Variants in ARIH2 observed in about 807,000 individuals in gnomAD.
The protein encoded by ARIH2 is E3 ubiquitin-protein ligase ARIH2.
In ARIH2, 12 loss-of-function variants were observed where a neutral mutation model predicts 79.8. The ratio of observed to expected loss-of-function variants is 0.15; its 90% CI spans 0.10 to 0.24. The LOEUF (loss-of-function observed/expected upper bound fraction) is 0.24. ARIH2 is among the 10% of genes least tolerant of loss of function. The pLI is 1.00. For synonymous variants in ARIH2, 224 were observed against 213.9 expected (o/e 1.05, Z -0.41); for missense variants, 301 against 618.3 (o/e 0.49, Z 5.44).
Position 48,918,930 on chromosome 3 carries a change from G to A in ARIH2, c.-230G>A, listed in dbSNP as rs1238475758. On this transcript the variant is annotated 5_prime_UTR_variant, in exon 1 of 16. Transcript: ENST00000356401. ...CTCCGCTGCCGCTTCGCCCCAATCC[G>A]GTCCCTCTGGCCCGGCCTGACCCGG... The A allele has an allele frequency of 6.3e-7, 1 of 1,589,922 alleles. No individual in the cohort carries two copies.
intron 3 of ARIH2, among the ~76,000 whole-genome samples, chr3:48,960,049 T>C (rs1235113051): frequency 6.6e-6 from 1 of 152,168 alleles, no homozygotes; most frequent in Non-Finnish European, 1.5e-5. Context: ...GAGCAGACAA[T>C]GTTCTGTGTG....
chr3:48,923,679 G>A (rs1225531003), intron 2 of ARIH2, among the ~76,000 whole-genome samples: 5 of 151,976 alleles, frequency 3.3e-5, no homozygotes, highest in South Asian at 2.1e-4. Context: ...GTGCCACCAC[G>A]CCCAGCTAAT....
chr3:48,951,119 T>A (rs1314761637), intron 3 of ARIH2, among the ~76,000 whole-genome samples: 1 of 152,072 alleles, frequency 6.6e-6, no homozygotes, highest in African/African-American at 2.4e-5. Flanking sequence ...CATGTCACCA[T>A]GCCCAGCTAA....
At chr3:48,947,083 A>T (rs2089263174) in intron 3 of ARIH2, among the ~76,000 whole-genome samples, 1 of 152,072 alleles carries the variant, frequency 6.6e-6, no homozygotes, top group South Asian at 2.1e-4. Flanking sequence ...GTTGGTAAGG[A>T]GCTGGCTGAA....
At chr3:48,974,250 T>C (rs1559848708) in intron 9 of ARIH2, among the ~76,000 whole-genome samples, 3 of 152,192 alleles carry the variant, frequency 2.0e-5, no homozygotes, top group African/African-American at 7.2e-5. Flanking sequence ...CTGTACCCTT[T>C]GTCAGTCACT....
chr3:48,919,271 C>T lies in ARIH2; in HGVS notation c.-162+273C>T, dbSNP rs1186803697. 8 of 1,139,872 alleles carry T rather than the reference C, an allele frequency of 7.0e-6. No homozygotes were observed. In the South Asian group the frequency reaches 1.8e-4, roughly 26 times the overall value. The allele number at this position is 1,139,872 out of a possible 1,614,324, so 70.6% of individuals were successfully genotyped here. On this transcript the variant is annotated intron_variant, in intron 1 of 15. Coordinates refer to ENST00000356401, the MANE Select transcript of ARIH2 (RefSeq NM_006321.4). Reference sequence around the variant, plus strand: ...ACCAACCGGCGCCGGCACATCTAGGCCCTCTCTCCCTGTCTGGCGCGGCGG... The same window carrying T: ...ACCAACCGGCGCCGGCACATCTAGGTCCTCTCTCCCTGTCTGGCGCGGCGG...
rs569941797 is a variant in ARIH2, at chr3:48,983,012, T to A, written c.1410+33T>A. On this transcript the variant is annotated intron_variant, in intron 15 of 15. Transcript: ENST00000356401. ...CCTACTGTCCTCTTGGATTCTATAT[T>A]GCAGGTAGAGGACTGGCATGGTAAT... 1.1e-5 allele frequency: 18 copies of A among 1,594,122 alleles called. No individual in the cohort carries two copies. In the South Asian group the frequency reaches 1.9e-4, roughly 17 times the overall value.
At chr3:48,970,253 G>T (rs1244621617) in intron 7 of ARIH2, among the ~76,000 whole-genome samples, 1 of 151,896 alleles carries the variant, frequency 6.6e-6, no homozygotes, top group East Asian at 1.9e-4. Flanking sequence ...GAATGCATCG[G>T]TGCAATCAGC....
At chr3:48,961,715 A>G (rs1304704696) in intron 4 of ARIH2, 36 bp downstream of exon 4, 2 of 1,327,790 alleles carry the variant, frequency 1.5e-6, no homozygotes, top group Admixed American at 1.7e-5. Flanking sequence ...AACATTGCCC[A>G]TAGCTCCCCT....
intron 3 of ARIH2, among the ~76,000 whole-genome samples, chr3:48,941,876 C>T (rs944920017): frequency 6.6e-6 from 1 of 151,270 alleles, no homozygotes; most frequent in African/African-American, 2.4e-5. Context: ...AGCCACCGCC[C>T]GATTTTTCTT....
At chr3:48,919,163 C>A in intron 1 of ARIH2, 165 bp downstream of exon 1, 1 of 1,298,890 alleles carries the variant, frequency 7.7e-7, no homozygotes, top group Non-Finnish European at 9.7e-7. Flanking sequence ...CCGCCGTCAG[C>A]GGCCGGGCGC....
chr3:48,981,840 TAAAAC>T lies in ARIH2; in HGVS notation c.1326+118_1326+122del, dbSNP rs2092762990. 7.4e-6 allele frequency: 6 copies of T among 806,680 alleles called. No homozygotes were observed. The East Asian group carries it at 8.1e-5, about 11-fold the overall frequency. 50.0% of individuals were successfully genotyped at this position (806,680 alleles called of 1,614,324 possible). On this transcript the variant is annotated intron_variant, in intron 14 of 15. Coordinates refer to ENST00000356401, the MANE Select transcript of ARIH2 (RefSeq NM_006321.4). ...ACCTTGGTCATTGGGAGGGCAAAGT[TAAAAC>T]AAAACTCTAATTGCAAAATTCCACT...
At chr3:48,932,432 A>G (rs1485114974) in intron 3 of ARIH2, among the ~76,000 whole-genome samples, 2 of 152,216 alleles carry the variant, frequency 1.3e-5, no homozygotes, top group South Asian at 2.1e-4. Context: ...GTATTTTTAT[A>G]TGAGACTTAT....
chr3:48,923,399 CAA>C (rs1163764739), intron 2 of ARIH2, among the ~76,000 whole-genome samples: 6 of 94,890 alleles, frequency 6.3e-5, no homozygotes, highest in Non-Finnish European at 4.3e-5. Context: ...GACTCTGTCT[CAA>C]AAAAAAAAAA....
Position 48,918,998 on chromosome 3 carries a change from G to A in ARIH2, c.-162G>A, listed in dbSNP as rs774069479. On this transcript the variant is annotated splice_region_variant and 5_prime_UTR_variant, in exon 1 of 16. Coordinates refer to ENST00000356401, the MANE Select transcript of ARIH2 (RefSeq NM_006321.4). The stretch of plus-strand genomic sequence containing the variant: ...CAGCGGCCGCGAGGCCGCAGCTCCC[G>A]GTAAGTGCGCGGCGCACGTCACGGC... 4.2e-6 allele frequency: 6 copies of A among 1,444,100 alleles called. No individual in the cohort carries two copies. In the African/African-American group the frequency reaches 8.6e-5, roughly 21 times the overall value. The allele number at this position is 1,444,100 out of a possible 1,614,324, so 89.5% of individuals were successfully genotyped here. A position where few individuals can be genotyped will look rare whatever the true frequency, so the allele number is the denominator to read the frequency against.
chr3:48,958,570 C>T (rs1011105935), intron 3 of ARIH2, among the ~76,000 whole-genome samples: 3 of 151,960 alleles, frequency 2.0e-5, no homozygotes, highest in South Asian at 2.1e-4. Flanking sequence ...ATTAGCTGGG[C>T]GTGGTGGCGG....
In ARIH2 at chr3:48,967,270, G is replaced by A. The variant is rs1305429095; in HGVS notation, c.533G>A (p.Gly178Asp). The change falls in exon 6 of 16, where the codon GGC becomes GAC. Residue 178 changes from glycine (G) to aspartate (D), a missense_variant. This residue lies in a region of ARIH2 where 223 missense variants were observed against 349.4 expected (regional missense o/e 0.64). Coordinates refer to ENST00000356401, the MANE Select transcript of ARIH2 (RefSeq NM_006321.4). ...HCSVLVKDGV[G>D]VGVSCMAQDC... Reference sequence around the variant, plus strand: ...TCAGTTCTCGTCAAGGACGGCGTGGGCGTGGGTGAGTCTGCCACAAAACTT... The same window carrying A: ...TCAGTTCTCGTCAAGGACGGCGTGGACGTGGGTGAGTCTGCCACAAAACTT... The A allele has an allele frequency of 6.2e-7, 1 of 1,613,808 alleles. No individual in the cohort carries two copies. The highest frequency in any genetic ancestry group is 8.5e-7 in the Non-Finnish European group (1 of 1,179,838).
At chr3:48,939,572 A>G (rs1178688880) in intron 3 of ARIH2, among the ~76,000 whole-genome samples, 1 of 151,152 alleles carries the variant, frequency 6.6e-6, no homozygotes, top group Admixed American at 6.6e-5. Flanking sequence ...CCCGGCTAAC[A>G]CAGTGAAACC....
At chr3:48,946,850 C>T (rs2089221841) in intron 3 of ARIH2, among the ~76,000 whole-genome samples, 1 of 152,098 alleles carries the variant, frequency 6.6e-6, no homozygotes, top group African/African-American at 2.4e-5. Flanking sequence ...CTGGACTACC[C>T]AGAAACTTGA....
Sources: gnomAD v4.1 joint callset for allele counts (sites outside exome capture counted in the v4.1 genomes callset) on GRCh38, gnomAD v4.1.1 for gene constraint, gnomAD v4.1.1 regional missense constraint, MANE v1.5 for transcripts, NCBI Gene and HGNC (gene_info 2026-07-23, HGNC 2026-07-21) for gene names.